The following INO80C variants were observed in gnomAD, a reference collection of about 807,000 sequenced individuals.
INO80C encodes IES6 homolog.
Under a neutral mutation model 17.7 loss-of-function variants are expected in INO80C, and 17 were observed. That is an observed-to-expected ratio of 0.96 (90% CI 0.66 to 1.44). INO80C has a LOEUF of 1.44. INO80C is among the 40% of genes most tolerant of loss of function. The probability of loss-of-function intolerance (pLI) is 0.00; values close to 1 mark genes in which losing one functional copy is unlikely to be tolerated. For synonymous variants in INO80C, 96 were observed against 95.8 expected, an observed-to-expected ratio of 1.00 and a Z score of -0.01; for missense variants, 244 against 245.0, an observed-to-expected ratio of 1.00 and a Z score of 0.03.
intron 1 of INO80C, among the ~76,000 whole-genome samples, chr18:35,485,933 T>C (rs1289643117): frequency 1.6e-4 from 24 of 152,206 alleles, no homozygotes; most frequent in Admixed American, 1.5e-3. Context: ...AAAAGTGGCC[T>C]AGGCAACATG....
intron 1 of INO80C, among the ~76,000 whole-genome samples, chr18:35,492,822 T>C (rs760245352): frequency 3.3e-5 from 5 of 152,238 alleles, no homozygotes; most frequent in Non-Finnish European, 5.9e-5. Flanking sequence ...ATTAAGTAAC[T>C]CTCAGTCTAT....
At position 35,495,824 on chromosome 18, in the gene INO80C, AT is replaced by A. The variant is rs562991904; in HGVS notation, c.156+1894del. On this transcript the variant is annotated intron_variant, in intron 1 of 4. Coordinates refer to ENST00000334598, the MANE Select transcript of INO80C (RefSeq NM_194281.4). ...TAATGAACTTCTACACATCAATATA[AT>A]TTTTTTTTAAAAGCCAATTAGAAAA... Among the ~76,000 whole-genome samples the A allele has an allele frequency of 3.9e-4, 59 of 151,938 alleles. No individual in the cohort carries two copies. The South Asian group carries it at 6.5e-3, about 17-fold the overall frequency.
intron 1 of INO80C, 83 bp downstream of exon 1, chr18:35,497,636 T>A: frequency 6.6e-7 from 1 of 1,512,866 alleles, no homozygotes; most frequent in Non-Finnish European, 8.8e-7. Context: ...CGCCCCACAT[T>A]ACGCACGCGC....
At chr18:35,471,975 G>A (rs1046952741) in intron 4 of INO80C, among the ~76,000 whole-genome samples, 1 of 152,082 alleles carries the variant, frequency 6.6e-6, no homozygotes, top group African/African-American at 2.4e-5. Context: ...GTGTATATGT[G>A]CCACATTTTC....
At chr18:35,486,717 T>C (rs1035660061) in intron 1 of INO80C, among the ~76,000 whole-genome samples, 2 of 148,980 alleles carry the variant, frequency 1.3e-5, no homozygotes, top group African/African-American at 2.5e-5. Context: ...GAGGCTGCAC[T>C]GCGCTATGAT....
intron 1 of INO80C, chr18:35,489,259 AT>A: frequency 8.0e-6 from 2 of 250,044 alleles, no homozygotes; most frequent in Non-Finnish European, 1.6e-5. Context: ...GTATTAGTCC[AT>A]TTTCATGCTG....
chr18:35,494,793 T>C (rs2045964874), intron 1 of INO80C, among the ~76,000 whole-genome samples: 1 of 152,234 alleles, frequency 6.6e-6, no homozygotes, highest in Non-Finnish European at 1.5e-5. Context: ...TAAATGAGTG[T>C]TATTTAAGCC....
At chr18:35,497,366 T>C in intron 1 of INO80C, 1 of 1,059,056 alleles carries the variant, frequency 9.4e-7, no homozygotes, top group Non-Finnish European at 1.1e-6. Flanking sequence ...ACTGGGTAGA[T>C]GTCTGCAGAA....
In INO80C at chr18:35,477,450, A is replaced by G. The variant is rs552492036; in HGVS notation, c.447+832T>C. ...TCAATTTGTTAGATAAGTTGGAGTCATATTTTCATTAAAATGTAAAGTACT... is the reference window on the plus strand; with the variant it reads ...TCAATTTGTTAGATAAGTTGGAGTCGTATTTTCATTAAAATGTAAAGTACT... On this transcript the variant is annotated intron_variant, in intron 4 of 4. Transcript: ENST00000334598. Among the ~76,000 whole-genome samples the G allele has an allele frequency of 6.6e-5, 10 of 152,352 alleles. No homozygotes were observed. The East Asian group carries it at 1.9e-3, about 29-fold the overall frequency.
At chr18:35,488,181 C>T (rs973233449) in intron 1 of INO80C, among the ~76,000 whole-genome samples, 8 of 152,196 alleles carry the variant, frequency 5.3e-5, no homozygotes, top group African/African-American at 1.9e-4. Flanking sequence ...TCTACCATTC[C>T]GGGCTCTGAA....
At chr18:35,473,381 G>T (rs1020540906) in intron 4 of INO80C, among the ~76,000 whole-genome samples, 3 of 152,192 alleles carry the variant, frequency 2.0e-5, no homozygotes, top group African/African-American at 7.2e-5. Flanking sequence ...AACTCTCTCT[G>T]CCTGTGACAA....
rs764228038 is a variant in INO80C, at chr18:35,497,885, G to C, written c.-11C>G. 84 of 1,544,936 alleles carry C rather than the reference G, an allele frequency of 5.4e-5. 1 individual carries two copies. In the Middle Eastern group the frequency reaches 3.8e-3, roughly 70 times the overall value. ...AATTTGCGCCGCCATCGCACTCCGAGTCTTCCCCTGGTCCCCCCACCTTTT... is the reference window on the plus strand; with the variant it reads ...AATTTGCGCCGCCATCGCACTCCGACTCTTCCCCTGGTCCCCCCACCTTTT... On this transcript the variant is annotated 5_prime_UTR_variant, in exon 1 of 5. Transcript: ENST00000334598.
Position 35,468,559 on chromosome 18 carries a change from G to C in INO80C, c.*52C>G, listed in dbSNP as rs1304641988. Reference sequence around the variant, plus strand: ...TTGTTTCCGTGAAACAAAATCATGAGTCCAGAGTCTGTTTTTGAAACAGCT... The same window carrying C: ...TTGTTTCCGTGAAACAAAATCATGACTCCAGAGTCTGTTTTTGAAACAGCT... On this transcript the variant is annotated 3_prime_UTR_variant, in exon 5 of 5. Coordinates refer to ENST00000334598, the MANE Select transcript of INO80C (RefSeq NM_194281.4). 13 of 1,612,054 alleles carry C rather than the reference G, an allele frequency of 8.1e-6. No individual in the cohort carries two copies. The highest frequency in any genetic ancestry group is 1.1e-5 in the Non-Finnish European group (13 of 1,178,804).
chr18:35,491,158 G>A (rs1301953637), intron 1 of INO80C, among the ~76,000 whole-genome samples: 1 of 152,202 alleles, frequency 6.6e-6, no homozygotes, highest in African/African-American at 2.4e-5. Context: ...AGCAATACAG[G>A]GGGATTCTTC....
intron 3 of INO80C, 57 bp from the exon 4 acceptor site, chr18:35,478,406 T>G (rs1357352817): frequency 1.5e-6 from 2 of 1,303,372 alleles, no homozygotes; most frequent in African/African-American, 3.0e-5. Context: ...TCAAATCCCT[T>G]CTCTTTTTTT....
At chr18:35,483,999 A>T (rs1356068184) in intron 1 of INO80C, among the ~76,000 whole-genome samples, 1 of 152,240 alleles carries the variant, frequency 6.6e-6, no homozygotes, top group Non-Finnish European at 1.5e-5. Context: ...GTAAACACAA[A>T]TTCACTTGTG....
intron 4 of INO80C, among the ~76,000 whole-genome samples, chr18:35,475,090 CAAG>C (rs777814327): frequency 6.6e-6 from 1 of 152,000 alleles, no homozygotes; most frequent in Non-Finnish European, 1.5e-5. Context: ...CAGAGAACAT[CAAG>C]AATACATACC....
chr18:35,474,249 A>C (rs2045708163), intron 4 of INO80C, among the ~76,000 whole-genome samples: 1 of 131,604 alleles, frequency 7.6e-6, no homozygotes, highest in East Asian at 2.2e-4. Flanking sequence ...ATATATACTT[A>C]ATAACTAAGT....
chr18:35,485,601 G>A (rs183494544), intron 1 of INO80C, among the ~76,000 whole-genome samples: 108 of 151,992 alleles, frequency 7.1e-4, no homozygotes, highest in African/African-American at 2.5e-3. Flanking sequence ...TGGTAAGAAC[G>A]TAAAATGGTG....
Sources: gnomAD v4.1 joint callset for allele counts (sites outside exome capture counted in the v4.1 genomes callset) on GRCh38, gnomAD v4.1.1 for gene constraint, MANE v1.5 for transcripts, NCBI Gene and HGNC (gene_info 2026-07-23, HGNC 2026-07-21) for gene names.